SHF: variants seen among roughly 807,000 people sequenced by gnomAD.
SHF encodes the protein Src homology 2 domain containing F.
Under a neutral mutation model 42.4 loss-of-function variants are expected in SHF, and 30 were observed. The ratio of observed to expected loss-of-function variants is 0.71; its 90% confidence interval spans 0.53 to 0.96. The LOEUF (loss-of-function observed/expected upper bound fraction) is 0.96. Ranked by LOEUF, SHF falls within the 40% of genes least tolerant of loss-of-function variation. The pLI is 0.00. For synonymous variants in SHF, 264 were observed against 269.9 expected (o/e 0.98, Z 0.21); for missense variants, 598 against 634.0 (o/e 0.94, Z 0.61).
intron 1 of SHF, among the ~76,000 whole-genome samples, chr15:45,180,272 T>C (rs930577797): frequency 6.6e-6 from 1 of 152,184 alleles, no homozygotes; most frequent in African/African-American, 2.4e-5. Context: ...TAGTCCTCCT[T>C]CTGCCAGGAA....
intron 1 of SHF, among the ~76,000 whole-genome samples, chr15:45,186,685 G>A (rs755987826): frequency 6.6e-6 from 1 of 152,256 alleles, no homozygotes; most frequent in African/African-American, 2.4e-5. Context: ...GGGGGAGAGG[G>A]AGGCCAGGAG....
exon 1 of SHF, chr15:45,200,756 G>T (rs757329118): frequency 2.2e-6 from 1 of 456,258 alleles, no homozygotes; most frequent in South Asian, 1.5e-5. Flanking sequence ...GTATGGTGGT[G>T]GGTCAGAACT....
At chr15:45,188,594 C>T (rs980206087), upstream of SHF, among the ~76,000 whole-genome samples, 1 of 152,232 alleles carries the variant, frequency 6.6e-6, no homozygotes, top group African/African-American at 2.4e-5. Flanking sequence ...TAGAGACGCC[C>T]ACTTCTCCCG....
At chr15:45,181,577 T>TGG (rs760552851) in intron 1 of SHF, among the ~76,000 whole-genome samples, 49 of 152,234 alleles carry the variant, frequency 3.2e-4, no homozygotes, top group Non-Finnish European at 6.8e-4. Context: ...ATCTCAGGGC[T>TGG]GGCACACAGT....
At chr15:45,189,610 G>A (rs960129700), upstream of SHF, among the ~76,000 whole-genome samples, 1 of 151,788 alleles carries the variant, frequency 6.6e-6, no homozygotes, top group East Asian at 1.9e-4. Flanking sequence ...GGCTGGTCTC[G>A]AACTCCTGAC....
At chr15:45,184,270 A>G (rs1235693467) in intron 1 of SHF, among the ~76,000 whole-genome samples, 1 of 151,386 alleles carries the variant, frequency 6.6e-6, no homozygotes, top group Non-Finnish European at 1.5e-5. Flanking sequence ...CCCTCACTTT[A>G]CTCTTCCTAT....
At position 45,172,304 on chromosome 15, in the gene SHF, G is replaced by A; in HGVS notation, c.1003C>T (p.Pro335Ser). The A allele has an allele frequency of 4.4e-6, 7 of 1,605,194 alleles. No homozygotes were observed. Among genetic ancestry groups the A allele is most frequent in the Non-Finnish European group, 6.0e-6 (7 of 1,175,436 alleles). ...CCAGGTGACAGGCAGCTCTTCTCCG[G>A]TCCTTCAAACTGGGCTGTGGGGAAC... ...LEDSSAQFEG[P>S]EKSCLSPGRE... Residue 335 changes from proline to serine, a missense_variant, in exon 5 of 7, where the codon CCG (proline) becomes TCG (serine). By Grantham distance (74) the Pro-to-Ser change is moderately conservative. Around this residue, in one of 2 missense-constraint regions of SHF, gnomAD observed 439 missense variants for 524.6 expected, o/e 0.84. Coordinates refer to ENST00000690270, the MANE Select transcript of SHF (RefSeq NM_001394037.1).
intron 1 of SHF, among the ~76,000 whole-genome samples, chr15:45,184,824 C>G (rs1412999450): frequency 6.6e-6 from 1 of 152,246 alleles, no homozygotes; most frequent in East Asian, 1.9e-4. Context: ...ATGGCAAGGC[C>G]CTGCCTGCCC....
At chr15:45,190,752 A>G (rs1347505299), upstream of SHF, among the ~76,000 whole-genome samples, 1 of 152,144 alleles carries the variant, frequency 6.6e-6, no homozygotes, top group African/African-American at 2.4e-5. Flanking sequence ...CGCACACCAT[A>G]AAAAAGGGGA....
At chr15:45,173,230 C>T (rs916141968) in intron 4 of SHF, among the ~76,000 whole-genome samples, 4 of 152,220 alleles carry the variant, frequency 2.6e-5, no homozygotes, top group African/African-American at 9.7e-5. Context: ...ATCTGCTCCT[C>T]TGCGCCAAGG....
intron 2 of SHF, among the ~76,000 whole-genome samples, chr15:45,195,018 G>C (rs964318835): frequency 6.6e-6 from 1 of 151,960 alleles, no homozygotes; most frequent in Non-Finnish European, 1.5e-5. Flanking sequence ...TTTTTGCAGA[G>C]ATGAGGTCTC....
intron 2 of SHF, among the ~76,000 whole-genome samples, chr15:45,176,845 A>G (rs1897837423): frequency 6.6e-6 from 1 of 152,188 alleles, no homozygotes; most frequent in Non-Finnish European, 1.5e-5. Flanking sequence ...CCTCTGACCT[A>G]AATGGGGTAG....
intron 1 of SHF, among the ~76,000 whole-genome samples, chr15:45,179,753 G>C (rs552707242): frequency 5.3e-5 from 8 of 152,340 alleles, no homozygotes; most frequent in African/African-American, 1.9e-4. Context: ...AGGGCCTGCA[G>C]CATGGGGAGA....
At chr15:45,182,181 C>G (rs555463917) in intron 1 of SHF, among the ~76,000 whole-genome samples, 1 of 152,332 alleles carries the variant, frequency 6.6e-6, no homozygotes, top group Non-Finnish European at 1.5e-5. Flanking sequence ...TGACCCCCAC[C>G]ACGGGGCTCC....
chr15:45,169,305 G>A (rs1897357039), intron 6 of SHF, among the ~76,000 whole-genome samples: 1 of 152,330 alleles, frequency 6.6e-6, no homozygotes, highest in African/African-American at 2.4e-5. Flanking sequence ...GAAGGGAGGT[G>A]ACAGATGGGA....
rs1898989580 is a variant in SHF at position 45,199,300 on chromosome 15, G to C, written c.-46-180C>G. Reference sequence around the variant, plus strand: ...AGGCTGTGTCACGGGGCCGCAGCAGGGACTAAGTCCGATTTTAATTATTGT... The same window carrying C: ...AGGCTGTGTCACGGGGCCGCAGCAGCGACTAAGTCCGATTTTAATTATTGT... On this transcript the variant is annotated intron_variant, in intron 1 of 7. Transcript: ENST00000290894. Among the ~76,000 whole-genome samples the C allele has an allele frequency of 2.0e-5, 3 of 152,160 alleles. No individual in the cohort carries two copies. In the South Asian group the frequency reaches 6.2e-4, roughly 32 times the overall value.
chr15:45,180,546 C>G (rs910212907), intron 1 of SHF, among the ~76,000 whole-genome samples: 1 of 152,252 alleles, frequency 6.6e-6, no homozygotes, highest in East Asian at 1.9e-4. Flanking sequence ...AAAGCTTCCA[C>G]TTTCCTCTTT....
At chr15:45,182,796 T>C (rs1898197452) in intron 1 of SHF, among the ~76,000 whole-genome samples, 1 of 152,228 alleles carries the variant, frequency 6.6e-6, no homozygotes, top group Admixed American at 6.5e-5. Flanking sequence ...AAATGGTACA[T>C]TACTTACCTT....
intron 1 of SHF, among the ~76,000 whole-genome samples, chr15:45,179,833 C>G (rs1051754008): frequency 6.6e-6 from 1 of 152,176 alleles, no homozygotes; most frequent in African/African-American, 2.4e-5. Flanking sequence ...CTGTAGGAGC[C>G]AGCTGGGCTG....
Sources: allele counts gnomAD v4.1 joint callset (sites outside exome capture counted in the v4.1 genomes callset), GRCh38; gene constraint gnomAD v4.1.1; regional missense constraint gnomAD v4.1.1; transcripts MANE v1.5; gene names NCBI Gene and HGNC (gene_info 2026-07-23, HGNC 2026-07-21).